The following ARHGAP32 variants were observed in gnomAD, a reference collection of about 807,000 sequenced individuals.
ARHGAP32 encodes Rho GTPase activating protein 32.
Under a neutral mutation model 186.5 loss-of-function variants are expected in ARHGAP32, and 51 were observed. The observed-to-expected ratio is 0.27, with a 90% confidence interval of 0.22 to 0.35. The LOEUF (loss-of-function observed/expected upper bound fraction) is 0.35, where lower values mean the gene tolerates loss of function less well. Ranked by LOEUF, ARHGAP32 falls within the 10% of genes least tolerant of loss-of-function variation. The pLI is 1.00. For missense variants in ARHGAP32, 2,186 were observed against 2,623.5 expected, an observed-to-expected ratio of 0.83 and a Z score of 3.64; for synonymous variants, 950 against 964.3, an observed-to-expected ratio of 0.99 and a Z score of 0.27.
rs1380688298 is a variant in ARHGAP32 at position 129,092,246 on chromosome 11, T to C, written c.531+1375A>G. On this transcript the variant is annotated intron_variant, in intron 6 of 22. Transcript: ENST00000682385. ...AACAGCACAGATTTTTTTTTATTTT[T>C]TTCATGTTATGCTTTGTTCATAAGA... 2.6e-5 allele frequency among the ~76,000 whole-genome samples: 4 copies of C among 152,128 alleles called. No individual in the cohort carries two copies. In the East Asian group the frequency reaches 7.7e-4, roughly 29 times the overall value.
Position 129,066,753 on chromosome 11 carries a change from T to C in ARHGAP32, c.647A>G (p.Asp216Gly). The change falls in exon 7 of 23, where the codon GAC (aspartate) becomes GGC (glycine). Residue 216 changes from aspartate to glycine, a missense_variant. This residue lies in a region of ARHGAP32 where 308 missense variants were observed against 596.5 expected (regional missense o/e 0.52). Coordinates refer to ENST00000682385, the MANE Select transcript of ARHGAP32 (RefSeq NM_001378024.1). The stretch of plus-strand genomic sequence containing the variant: ...TACCTCTGGACTGTCCTTCAGGGTG[T>C]CAGAACGGGGAAGTTCTGAGAGCTG... ...FSQLSELPRS[D>G]TLKDSPESVT... 1 of 1,612,350 alleles carries C rather than the reference T, an allele frequency of 6.2e-7. No homozygotes were observed. Among genetic ancestry groups the C allele is most frequent in the South Asian group, 1.1e-5 (1 of 91,020 alleles).
At chr11:129,067,486 G>A (rs903713878) in intron 6 of ARHGAP32, among the ~76,000 whole-genome samples, 2 of 151,782 alleles carry the variant, frequency 1.3e-5, no homozygotes, top group Admixed American at 1.3e-4. Flanking sequence ...ATCACTTCTT[G>A]TTCAGTCCTA....
upstream of ARHGAP32, among the ~76,000 whole-genome samples, chr11:129,193,564 T>G (rs1397007424): frequency 8.3e-5 from 1 of 12,036 alleles, no homozygotes; most frequent in Non-Finnish European, 1.5e-4. Context: ...ATATATATTA[T>G]ATATAATATA....
intron 1 of ARHGAP32, among the ~76,000 whole-genome samples, chr11:129,259,892 T>G (rs1321212102): frequency 6.6e-6 from 1 of 152,214 alleles, no homozygotes; most frequent in Admixed American, 6.5e-5. Context: ...TTTTGTTTTT[T>G]TGTTTTTCTG....
chr11:129,254,975 C>T (rs896958634), intron 1 of ARHGAP32, among the ~76,000 whole-genome samples: 3 of 152,050 alleles, frequency 2.0e-5, no homozygotes, highest in African/African-American at 2.4e-5. Flanking sequence ...TGGATTAATG[C>T]CAGTATTTCA....
intron 2 of ARHGAP32, among the ~76,000 whole-genome samples, chr11:129,136,290 A>C (rs1172175937): frequency 1.3e-5 from 2 of 152,212 alleles, no homozygotes; most frequent in Non-Finnish European, 2.9e-5. Flanking sequence ...CCTGGCACAA[A>C]AACTACATAT....
At chr11:129,003,340 T>C (rs1481850774) in intron 11 of ARHGAP32, among the ~76,000 whole-genome samples, 2 of 152,212 alleles carry the variant, frequency 1.3e-5, no homozygotes, top group East Asian at 1.9e-4. Flanking sequence ...TATTGGCCTG[T>C]AGTTTTCTTT....
chr11:129,171,284 T>C (rs1943754518), intron 1 of ARHGAP32, among the ~76,000 whole-genome samples: 3 of 152,234 alleles, frequency 2.0e-5, no homozygotes, highest in African/African-American at 7.2e-5. Context: ...GGTTTTCTTC[T>C]AGGGTTTTTA....
Position 128,976,651 on chromosome 11 carries a change from AC to A in ARHGAP32, c.2123-18del. 6.2e-7 allele frequency: 1 copy of A among 1,606,140 alleles called. No homozygotes were observed. The highest frequency in any genetic ancestry group is 8.5e-7 in the Non-Finnish European group (1 of 1,172,838). On this transcript the variant is annotated intron_variant, in intron 19 of 22. Transcript: ENST00000682385. ...CCCTGCCACCTGAAGAATAAAAAAC[AC>A]ATAGTGTGAAGATTTCTTATTTGTT... is the stretch of plus-strand genomic sequence containing the variant.
At chr11:129,051,471 C>T (rs1039752310) in intron 10 of ARHGAP32, among the ~76,000 whole-genome samples, 2 of 152,174 alleles carry the variant, frequency 1.3e-5, no homozygotes, top group African/African-American at 4.8e-5. Flanking sequence ...ATATCCTTTG[C>T]CCACTTTTTG....
At chr11:129,043,567 T>C (rs1354584108) in intron 10 of ARHGAP32, among the ~76,000 whole-genome samples, 3 of 151,918 alleles carry the variant, frequency 2.0e-5, no homozygotes, top group Non-Finnish European at 2.9e-5. Flanking sequence ...TTTGCATTTT[T>C]AGTAGAGATG....
chr11:129,086,013 C>CA (rs1282762105), intron 6 of ARHGAP32, among the ~76,000 whole-genome samples: 13 of 122,102 alleles, frequency 1.1e-4, no homozygotes, highest in African/African-American at 2.2e-4. Flanking sequence ...AACAAACAAA[C>CA]AAACAAAAAA....
At chr11:129,172,564 T>C (rs761206852) in intron 1 of ARHGAP32, among the ~76,000 whole-genome samples, 1 of 152,164 alleles carries the variant, frequency 6.6e-6, no homozygotes, top group Non-Finnish European at 1.5e-5. Context: ...CCTCAACAAA[T>C]GCAAAAGAAC....
chr11:129,232,154 T>C (rs980040214), intron 1 of ARHGAP32, among the ~76,000 whole-genome samples: 1 of 152,106 alleles, frequency 6.6e-6, no homozygotes, highest in Non-Finnish European at 1.5e-5. Flanking sequence ...ACATCCTTTG[T>C]ATTAATCTTG....
intron 11 of ARHGAP32, among the ~76,000 whole-genome samples, chr11:129,031,794 A>G (rs1939123779): frequency 6.6e-6 from 1 of 152,014 alleles, no homozygotes; most frequent in Non-Finnish European, 1.5e-5. Flanking sequence ...CCTTGGCCTG[A>G]CCCGCTCCTT....
Position 129,254,730 on chromosome 11 carries a change from A to G in ARHGAP32, c.-5+24416T>C, listed in dbSNP as rs150608758. ...CATCTACGGAGCTGGTCATAATGAT[A>G]AAGGAAACAACTGGTTACTTACAAA... On this transcript the variant is annotated intron_variant, in intron 1 of 6. Coordinates refer to the ARHGAP32 transcript ENST00000525234. Among the ~76,000 whole-genome samples the G allele has an allele frequency of 2.8e-3, 419 of 152,250 alleles. 1 individual carries two copies. Among genetic ancestry groups the G allele is most frequent in the Non-Finnish European group, 4.0e-3 (270 of 67,946 alleles).
chr11:129,159,235 AC>A (rs1280826636), intron 2 of ARHGAP32, among the ~76,000 whole-genome samples: 1 of 152,076 alleles, frequency 6.6e-6, no homozygotes, highest in Non-Finnish European at 1.5e-5. Context: ...GACATGAAAA[AC>A]CCTTAAAAAA....
intron 1 of ARHGAP32, among the ~76,000 whole-genome samples, chr11:129,177,720 T>C (rs1379321384): frequency 6.6e-6 from 1 of 152,146 alleles, no homozygotes; most frequent in Non-Finnish European, 1.5e-5. Flanking sequence ...AGAAAAGGCC[T>C]TTGACAAAAT....
intron 11 of ARHGAP32, among the ~76,000 whole-genome samples, chr11:129,011,613 T>G (rs1044189151): frequency 1.5e-4 from 23 of 152,272 alleles, no homozygotes; most frequent in African/African-American, 5.5e-4. Context: ...AGTTTACAAA[T>G]AAACAATTTT....
Sources: gnomAD v4.1 joint callset for allele counts (sites outside exome capture counted in the v4.1 genomes callset) on GRCh38, gnomAD v4.1.1 for gene constraint, gnomAD v4.1.1 regional missense constraint, MANE v1.5 for transcripts, NCBI Gene and HGNC (gene_info 2026-07-23, HGNC 2026-07-21) for gene names.